MECOM: variants seen among roughly 807,000 people sequenced by gnomAD.
MECOM encodes histone-lysine N-methyltransferase MECOM.
In MECOM, 13 loss-of-function variants were observed where a neutral mutation model predicts 116.3. The ratio of observed to expected loss-of-function variants is 0.11; its 90% CI spans 0.07 to 0.18. The LOEUF (loss-of-function observed/expected upper bound fraction) is 0.18. Ranked by LOEUF, MECOM falls within the 10% of genes least tolerant of loss-of-function variation. The probability of loss-of-function intolerance (pLI) is 1.00; values close to 1 mark genes in which losing one functional copy is unlikely to be tolerated. For missense variants in MECOM, 1,299 were observed against 1,509.0 expected, an observed-to-expected ratio of 0.86 and a Z score of 2.31; for synonymous variants, 528 against 535.2, an observed-to-expected ratio of 0.99 and a Z score of 0.19.
At chr3:169,387,342 T>C (rs1733513311) in intron 1 of MECOM, among the ~76,000 whole-genome samples, 1 of 152,222 alleles carries the variant, frequency 6.6e-6, no homozygotes, top group Non-Finnish European at 1.5e-5. Context: ...AATTCTTCGG[T>C]TCTTATTTGC....
chr3:169,130,575 A>G (rs1734374163), intron 4 of MECOM, among the ~76,000 whole-genome samples: 1 of 151,934 alleles, frequency 6.6e-6, no homozygotes, highest in Non-Finnish European at 1.5e-5. Flanking sequence ...ACCCGCCAAG[A>G]GTGGCAGCTT....
At chr3:169,501,424 T>C (rs180817885) in intron 1 of MECOM, among the ~76,000 whole-genome samples, 4 of 152,182 alleles carry the variant, frequency 2.6e-5, no homozygotes, top group Admixed American at 2.0e-4. Flanking sequence ...GATATAATGA[T>C]GTTCTACTTC....
chr3:169,426,028 C>T (rs1339871143), intron 1 of MECOM, among the ~76,000 whole-genome samples: 1 of 151,982 alleles, frequency 6.6e-6, no homozygotes, highest in Non-Finnish European at 1.5e-5. Flanking sequence ...GTTTTCTTTG[C>T]TATGTTTTGT....
In MECOM at chr3:169,611,121, C is replaced by T. The variant is rs985324529; in HGVS notation, c.37+52215G>A. Among the ~76,000 whole-genome samples, 18 of 152,220 alleles carry T rather than the reference C, an allele frequency of 1.2e-4. No homozygotes were observed. The highest frequency in any genetic ancestry group is 4.3e-4 in the African/African-American group (18 of 41,454). ...AAATCTGTTTTTGTTGATACTGCTG[C>T]TGCTGCGGTTTTTAACACATGCTTC... On this transcript the variant is annotated intron_variant, in intron 1 of 16. Transcript: ENST00000651503. The surrounding 1 kb of genome is among the most constrained non-coding windows in gnomAD (Gnocchi z 4.1).
At chr3:169,185,420 A>G (rs1746581801) in intron 2 of MECOM, among the ~76,000 whole-genome samples, 1 of 152,164 alleles carries the variant, frequency 6.6e-6, no homozygotes, top group Non-Finnish European at 1.5e-5. Context: ...TGAAAAACTG[A>G]CACTCTGTTT....
At chr3:169,177,546 T>G (rs1479818776) in intron 2 of MECOM, among the ~76,000 whole-genome samples, 1 of 152,032 alleles carries the variant, frequency 6.6e-6, no homozygotes, top group Non-Finnish European at 1.5e-5. Context: ...CATATACCTA[T>G]GTAACAAACC....
chr3:169,158,069 C>T (rs1742275108), intron 2 of MECOM, among the ~76,000 whole-genome samples: 1 of 152,020 alleles, frequency 6.6e-6, no homozygotes, highest in African/African-American at 2.4e-5. Flanking sequence ...TTCCTCCACC[C>T]CACATCCATT....
intron 2 of MECOM, among the ~76,000 whole-genome samples, chr3:169,308,485 G>A (rs551423219): frequency 3.9e-5 from 6 of 152,206 alleles, no homozygotes; most frequent in South Asian, 2.1e-4. Flanking sequence ...GGCTGCTCTA[G>A]GCATAATAAA....
At chr3:169,624,726 C>G (rs1472673248) in intron 1 of MECOM, among the ~76,000 whole-genome samples, 1 of 152,168 alleles carries the variant, frequency 6.6e-6, no homozygotes, top group East Asian at 1.9e-4. Flanking sequence ...ACAGGCTTTC[C>G]CTGGTGGTGA....
At chr3:169,160,285 G>T (rs1329402528) in intron 2 of MECOM, among the ~76,000 whole-genome samples, 1 of 151,194 alleles carries the variant, frequency 6.6e-6, no homozygotes, top group East Asian at 1.9e-4. Flanking sequence ...TTCTGAGAAA[G>T]GATTTTTTTG....
intron 1 of MECOM, among the ~76,000 whole-genome samples, chr3:169,550,729 G>T (rs1442282706): frequency 6.6e-6 from 1 of 152,150 alleles, no homozygotes; most frequent in African/African-American, 2.4e-5. Context: ...ACCAAAGCAA[G>T]GTGGTAATTC....
chr3:169,200,323 TG>T (rs1748979479), intron 2 of MECOM, among the ~76,000 whole-genome samples: 1 of 152,168 alleles, frequency 6.6e-6, no homozygotes, highest in Non-Finnish European at 1.5e-5. Context: ...ATTTGAGAAT[TG>T]ATCTTTCAAA....
At chr3:169,568,462 CCACTGGCTTGAAATTCT>C (rs1763506272) in intron 1 of MECOM, among the ~76,000 whole-genome samples, 1 of 152,130 alleles carries the variant, frequency 6.6e-6, no homozygotes, top group South Asian at 2.1e-4. Flanking sequence ...AAACTAAGAT[CCACTGGCTTGAAATTCT>C]CACTGCCAGC....
intron 5 of MECOM, among the ~76,000 whole-genome samples, chr3:169,125,562 T>C (rs1732549270): frequency 6.6e-6 from 1 of 152,116 alleles, no homozygotes; most frequent in African/African-American, 2.4e-5. Context: ...TTTCCCTTCT[T>C]TGTTTCTAAT....
chr3:169,591,681 T>TGTGGA (rs55909124), intron 1 of MECOM, among the ~76,000 whole-genome samples: 40,186 of 151,828 alleles, frequency 0.26, 5,620 homozygotes, highest in Non-Finnish European at 0.32. Context: ...TATAACAATG[T>TGTGGA]GTGGATTTGA....
At chr3:169,124,242 G>A (rs1210264643) in intron 5 of MECOM, among the ~76,000 whole-genome samples, 1 of 152,052 alleles carries the variant, frequency 6.6e-6, no homozygotes, top group Non-Finnish European at 1.5e-5. Context: ...TAGGAAATTA[G>A]AGGGGATAGA....
At chr3:169,340,871 G>T (rs906443520) in intron 2 of MECOM, among the ~76,000 whole-genome samples, 1 of 152,052 alleles carries the variant, frequency 6.6e-6, no homozygotes, top group African/African-American at 2.4e-5. Context: ...CAGGTAAGTT[G>T]GACAAGAATA....
intron 1 of MECOM, among the ~76,000 whole-genome samples, chr3:169,527,977 G>A (rs1322485155): frequency 6.6e-6 from 1 of 152,124 alleles, no homozygotes; most frequent in East Asian, 1.9e-4. Context: ...CAGTGGGATG[G>A]GTTGACTTTG....
chr3:169,512,106 G>C (rs1756044449), intron 1 of MECOM, among the ~76,000 whole-genome samples: 1 of 152,098 alleles, frequency 6.6e-6, no homozygotes, highest in Non-Finnish European at 1.5e-5. Context: ...TTCTTATCTG[G>C]GTCCAGTTAG....
Sources: gnomAD v4.1 joint callset for allele counts (sites outside exome capture counted in the v4.1 genomes callset) on GRCh38, gnomAD v4.1.1 for gene constraint, Gnocchi (gnomAD v3.1) non-coding constraint, MANE v1.5 for transcripts, NCBI Gene and HGNC (gene_info 2026-07-23, HGNC 2026-07-21) for gene names.